LPGAT1: variants seen among roughly 807,000 people sequenced by gnomAD.
LPGAT1 encodes the protein acyl-CoA:lysophosphatidylglycerol acyltransferase 1.
A neutral mutation model predicts 47.5 loss-of-function variants in LPGAT1; 11 were observed. The observed-to-expected ratio is 0.23, with a 90% CI of 0.15 to 0.38. The LOEUF (loss-of-function observed/expected upper bound fraction) is 0.38, where lower values mean the gene tolerates loss of function less well. LPGAT1 is among the 10% of genes least tolerant of loss of function. The probability of loss-of-function intolerance (pLI) is 1.00; values close to 1 mark genes in which losing one functional copy is unlikely to be tolerated. For missense variants in LPGAT1, 293 were observed against 439.0 expected (o/e 0.67, Z 2.97); for synonymous variants, 138 against 144.2 (o/e 0.96, Z 0.31).
At chr1:211,782,167 A>G (rs750381781) in intron 5 of LPGAT1, among the ~76,000 whole-genome samples, 2 of 152,198 alleles carry the variant, frequency 1.3e-5, no homozygotes, top group Non-Finnish European at 2.9e-5. Flanking sequence ...TTCCAAGCCA[A>G]TACAAACACT....
intron 2 of LPGAT1, among the ~76,000 whole-genome samples, chr1:211,795,965 T>C (rs1375936917): frequency 6.6e-6 from 1 of 152,152 alleles, no homozygotes; most frequent in Non-Finnish European, 1.5e-5. Context: ...TAAGAGGTAA[T>C]GTGGACAGTT....
chr1:211,770,826 G>A (rs1034858950), intron 6 of LPGAT1, among the ~76,000 whole-genome samples: 8 of 152,084 alleles, frequency 5.3e-5, no homozygotes, highest in Admixed American at 1.3e-4. Context: ...CCCAGGCACC[G>A]TGGCTCACAC....
intron 6 of LPGAT1, among the ~76,000 whole-genome samples, chr1:211,752,425 G>T (rs908348705): frequency 4.0e-5 from 6 of 151,492 alleles, no homozygotes; most frequent in African/African-American, 1.5e-4. Context: ...GAAGCATGTA[G>T]TTGCAACTTC....
At chr1:211,791,315 A>T (rs1326692520) in intron 3 of LPGAT1, among the ~76,000 whole-genome samples, 1 of 152,248 alleles carries the variant, frequency 6.6e-6, no homozygotes, top group East Asian at 1.9e-4. Context: ...TGTTTCATTA[A>T]GAAAGAAGTC....
At chr1:211,777,226 A>C (rs1024966552) in intron 6 of LPGAT1, among the ~76,000 whole-genome samples, 3 of 152,090 alleles carry the variant, frequency 2.0e-5, no homozygotes, top group Admixed American at 6.6e-5. Context: ...ATCCCCTCTC[A>C]CAAGTTTCTT....
At chr1:211,793,290 C>T (rs1187254273) in intron 2 of LPGAT1, 100 bp from the exon 3 acceptor site, 5 of 671,752 alleles carry the variant, frequency 7.4e-6, no homozygotes, top group Non-Finnish European at 1.3e-5. Flanking sequence ...GATGATATGT[C>T]ACCTAGCTAA....
At chr1:211,784,324 T>C (rs1362445427) in intron 4 of LPGAT1, among the ~76,000 whole-genome samples, 2 of 152,000 alleles carry the variant, frequency 1.3e-5, no homozygotes, top group Non-Finnish European at 2.9e-5. Context: ...AAACCCCGTC[T>C]ATACAAAAAA....
At chr1:211,818,772 CA>C (rs1316850800) in intron 2 of LPGAT1, among the ~76,000 whole-genome samples, 1 of 152,080 alleles carries the variant, frequency 6.6e-6, no homozygotes, top group Non-Finnish European at 1.5e-5. Flanking sequence ...ACTAAAGTAC[CA>C]AAGGTAACTC....
chr1:211,777,139 G>A lies in LPGAT1; in HGVS notation c.854+1779C>T, dbSNP rs74601897. 6.6e-3 allele frequency among the ~76,000 whole-genome samples: 998 copies of A among 152,142 alleles called. 15 individuals carry two copies. Among genetic ancestry groups the A allele is most frequent in the African/African-American group, 0.022 (916 of 41,502 alleles). Reference sequence around the variant, plus strand: ...TCCCTACGCCCCTTGGTGTCCTGATGGCCAAAAACAATATACGAGAAGTCA... The same window carrying A: ...TCCCTACGCCCCTTGGTGTCCTGATAGCCAAAAACAATATACGAGAAGTCA... On this transcript the variant is annotated intron_variant, in intron 6 of 7. Coordinates refer to ENST00000366997, the MANE Select transcript of LPGAT1 (RefSeq NM_014873.3).
At chr1:211,783,089 T>C (rs1347721723) in intron 5 of LPGAT1, 140 bp downstream of exon 5, 2 of 783,852 alleles carry the variant, frequency 2.6e-6, no homozygotes, top group Non-Finnish European at 3.7e-6. Flanking sequence ...ATGGAAACTT[T>C]TTTAAAAAAT....
intron 6 of LPGAT1, among the ~76,000 whole-genome samples, chr1:211,769,474 C>T (rs1217123950): frequency 2.0e-5 from 3 of 151,910 alleles, no homozygotes; most frequent in Admixed American, 6.6e-5. Context: ...TGATCCAGCC[C>T]GCAAGAGAGG....
intron 3 of LPGAT1, 145 bp downstream of exon 3, chr1:211,792,927 G>T: frequency 1.9e-6 from 1 of 519,884 alleles, no homozygotes. Flanking sequence ...GTCCTGGATG[G>T]CCTCGATCTC....
In LPGAT1 at chr1:211,744,401, G is replaced by T. The variant is rs1222351687; in HGVS notation, c.*5498C>A. On this transcript the variant is annotated 3_prime_UTR_variant, in exon 8 of 8. Transcript: ENST00000366997. ...GCTTAATGAGTCTAATATGTACCAT[G>T]GTAAGAAACAGTTTTAACAGTAGAT... 2 of 152,086 alleles carry T rather than the reference G, an allele frequency of 1.3e-5. No homozygotes were observed. Among genetic ancestry groups the T allele is most frequent in the Non-Finnish European group, 2.9e-5 (2 of 68,014 alleles). The allele number at this position is 152,086 out of a possible 1,614,324, so 9.4% of individuals were successfully genotyped here.
At chr1:211,792,859 A>G (rs952735734) in intron 3 of LPGAT1, among the ~76,000 whole-genome samples, 28 of 151,618 alleles carry the variant, frequency 1.8e-4, no homozygotes, top group African/African-American at 6.8e-4. Flanking sequence ...CTACAGGTGC[A>G]CACCACCACG....
chr1:211,827,445 T>C (rs1660572856), intron 2 of LPGAT1, among the ~76,000 whole-genome samples: 2 of 152,238 alleles, frequency 1.3e-5, no homozygotes, highest in African/African-American at 4.8e-5. Context: ...AAATTAATTT[T>C]ACCTTCCCAC....
rs141454682 is a variant in LPGAT1, at chr1:211,791,081, A to G, written c.357+1991T>C. ...ATATATCTACATGGTGATACTCTTAACAATTCAAGATCCTGAATCTAAGAA... is the reference window on the plus strand; with the variant it reads ...ATATATCTACATGGTGATACTCTTAGCAATTCAAGATCCTGAATCTAAGAA... On this transcript the variant is annotated intron_variant, in intron 3 of 7. Transcript: ENST00000366997. Among the ~76,000 whole-genome samples, 311 of 141,956 alleles carry G rather than the reference A, an allele frequency of 2.2e-3. 2 individuals are homozygous for G. The highest frequency in any genetic ancestry group is 7.5e-3 in the African/African-American group (285 of 37,894). 93.1% of individuals were successfully genotyped at this position (141,956 alleles called of 152,430 possible). A position where few individuals can be genotyped will look rare whatever the true frequency, so the allele number is the denominator to read the frequency against.
intron 4 of LPGAT1, 42 bp downstream of exon 4, chr1:211,787,590 T>C (rs766999211): frequency 9.2e-7 from 1 of 1,082,674 alleles, no homozygotes; most frequent in Non-Finnish European, 1.4e-6. Flanking sequence ...AGAATCAATT[T>C]GACCAGGCTA....
Position 211,818,501 on chromosome 1 carries a change from C to G in LPGAT1, c.238+10558G>C, listed in dbSNP as rs147113643. ...TCTCCCTAATTTGAAATGTTGACAA[C>G]TAATTTAAGTTTAAATAGTGCTAAG... On this transcript the variant is annotated intron_variant, in intron 2 of 7. Coordinates refer to ENST00000366997, the MANE Select transcript of LPGAT1 (RefSeq NM_014873.3). Among the ~76,000 whole-genome samples the G allele has an allele frequency of 3.1e-3, 474 of 152,294 alleles. 1 individual carries two copies. The highest frequency in any genetic ancestry group is 0.011 in the African/African-American group (452 of 41,544).
At chr1:211,774,873 T>C (rs2102524407) in intron 6 of LPGAT1, among the ~76,000 whole-genome samples, 1 of 152,334 alleles carries the variant, frequency 6.6e-6, no homozygotes, top group Non-Finnish European at 1.5e-5. Flanking sequence ...CTTTTGCTTT[T>C]TCCTAAGTGT....
Sources: gnomAD v4.1 joint callset for allele counts (sites outside exome capture counted in the v4.1 genomes callset) on GRCh38, gnomAD v4.1.1 for gene constraint, MANE v1.5 for transcripts, NCBI Gene and HGNC (gene_info 2026-07-23, HGNC 2026-07-21) for gene names.